The following NOL4 variants were observed in gnomAD, a reference collection of about 807,000 sequenced individuals.
NOL4 encodes nucleolar protein 4.
NOL4 carries 17 observed loss-of-function variants against 75.9 expected under a neutral mutation model. The observed-to-expected ratio is 0.22, with a 90% confidence interval of 0.15 to 0.34. The LOEUF (loss-of-function observed/expected upper bound fraction) is 0.34, where lower values mean the gene tolerates loss of function less well. NOL4 is among the 10% of genes least tolerant of loss of function. The pLI is 1.00. For synonymous variants in NOL4, 292 were observed against 289.9 expected, an observed-to-expected ratio of 1.01 and a Z score of -0.07; for missense variants, 614 against 793.5, an observed-to-expected ratio of 0.77 and a Z score of 2.72.
chr18:34,072,248 A>T (rs942052551), intron 5 of NOL4, among the ~76,000 whole-genome samples: 2 of 152,088 alleles, frequency 1.3e-5, no homozygotes, highest in African/African-American at 4.8e-5. Flanking sequence ...ACAAAAAAAG[A>T]TAAAATGACA....
intron 8 of NOL4, among the ~76,000 whole-genome samples, chr18:33,954,499 G>T (rs1375493642): frequency 6.6e-6 from 1 of 151,746 alleles, no homozygotes; most frequent in African/African-American, 2.4e-5. Context: ...GATTGTAGAA[G>T]AAGAAGAAGA....
chr18:34,056,898 T>A (rs2076855921), intron 5 of NOL4, among the ~76,000 whole-genome samples: 1 of 152,202 alleles, frequency 6.6e-6, no homozygotes, highest in South Asian at 2.1e-4. Flanking sequence ...CTTGCCAACA[T>A]CACTTTCTGT....
intron 9 of NOL4, among the ~76,000 whole-genome samples, chr18:33,939,969 CATTAGATAAATGCAA>C (rs1039970753): frequency 1.2e-4 from 18 of 152,066 alleles, no homozygotes; most frequent in Non-Finnish European, 2.9e-5. Context: ...CATCACTGAT[CATTAGATAAATGCAA>C]ATCAAAACCA....
intron 5 of NOL4, among the ~76,000 whole-genome samples, chr18:34,020,693 T>A (rs902815533): frequency 6.6e-6 from 1 of 152,130 alleles, no homozygotes; most frequent in Non-Finnish European, 1.5e-5. Flanking sequence ...GGGATGTGAG[T>A]CATGAAGTAC....
At chr18:34,029,491 C>T (rs2075524696) in intron 5 of NOL4, among the ~76,000 whole-genome samples, 1 of 152,162 alleles carries the variant, frequency 6.6e-6, no homozygotes, top group South Asian at 2.1e-4. Flanking sequence ...GGGGCATATC[C>T]TTGGCTCCTG....
At chr18:34,112,499 C>A (rs1023363966) in intron 2 of NOL4, among the ~76,000 whole-genome samples, 5 of 151,978 alleles carry the variant, frequency 3.3e-5, no homozygotes, top group African/African-American at 7.3e-5. Context: ...TGTCACTACA[C>A]ATACATAATG....
intron 6 of NOL4, among the ~76,000 whole-genome samples, chr18:34,005,632 C>T (rs1008541262): frequency 6.6e-6 from 1 of 152,100 alleles, no homozygotes; most frequent in Non-Finnish European, 1.5e-5. Context: ...GGAGAATGAT[C>T]TCCACCTTCT....
At chr18:33,993,497 A>T (rs1226345093) in intron 6 of NOL4, among the ~76,000 whole-genome samples, 1 of 151,936 alleles carries the variant, frequency 6.6e-6, no homozygotes, top group Non-Finnish European at 1.5e-5. Flanking sequence ...GGGGGTTAGG[A>T]GGTGGGAAAT....
At chr18:34,094,048 C>A (rs1042271180) in intron 4 of NOL4, among the ~76,000 whole-genome samples, 2 of 151,810 alleles carry the variant, frequency 1.3e-5, no homozygotes, top group Non-Finnish European at 2.9e-5. Context: ...CTCAAAAAAA[C>A]AAACAAACAA....
chr18:34,007,687 A>G (rs1184509247), intron 6 of NOL4, among the ~76,000 whole-genome samples: 1 of 152,020 alleles, frequency 6.6e-6, no homozygotes, highest in East Asian at 1.9e-4. Context: ...TTCATTTTAC[A>G]TCATCATATT....
chr18:34,153,845 G>A (rs2029872491), intron 1 of NOL4, among the ~76,000 whole-genome samples: 1 of 151,962 alleles, frequency 6.6e-6, no homozygotes, highest in Non-Finnish European at 1.5e-5. Context: ...TAGAACATGT[G>A]GTTGCCAAGG....
intron 5 of NOL4, among the ~76,000 whole-genome samples, chr18:34,048,824 A>C (rs573958815): frequency 6.6e-6 from 1 of 152,236 alleles, no homozygotes; most frequent in East Asian, 1.9e-4. Flanking sequence ...CTGGTTAAGA[A>C]CATGGCTGGA....
intron 5 of NOL4, among the ~76,000 whole-genome samples, chr18:34,063,129 G>C (rs1328716894): frequency 6.6e-6 from 1 of 152,026 alleles, no homozygotes; most frequent in African/African-American, 2.4e-5. Flanking sequence ...ATGGATGAAA[G>C]ATGAAAAACT....
intron 1 of NOL4, among the ~76,000 whole-genome samples, chr18:34,180,985 C>T (rs1488955177): frequency 6.6e-6 from 1 of 151,174 alleles, no homozygotes; most frequent in Non-Finnish European, 1.5e-5. Flanking sequence ...TTTATGATGG[C>T]AATACTCTAT....
chr18:34,143,535 A>G (rs2146019376), intron 1 of NOL4, among the ~76,000 whole-genome samples: 1 of 152,156 alleles, frequency 6.6e-6, no homozygotes, highest in Middle Eastern at 3.4e-3. Context: ...ATTTACTGTT[A>G]AATTATTTCT....
intron 9 of NOL4, among the ~76,000 whole-genome samples, chr18:33,931,831 T>C (rs1194015607): frequency 6.6e-6 from 1 of 152,118 alleles, no homozygotes; most frequent in South Asian, 2.1e-4. Context: ...ATAATCTTAG[T>C]TTGGTATAAA....
chr18:34,149,195 G>T (rs567494554), intron 1 of NOL4, among the ~76,000 whole-genome samples: 1 of 151,610 alleles, frequency 6.6e-6, no homozygotes, highest in East Asian at 1.9e-4. Context: ...ATAAAAATTA[G>T]GTTGAGACAT....
At chr18:34,063,596 C>T (rs79117954) in intron 5 of NOL4, among the ~76,000 whole-genome samples, 2 of 152,132 alleles carry the variant, frequency 1.3e-5, no homozygotes, top group Non-Finnish European at 2.9e-5. Flanking sequence ...TGTTATTGGA[C>T]ACAAGTCAGC....
intron 5 of NOL4, among the ~76,000 whole-genome samples, chr18:34,072,706 A>C (rs536419857): frequency 6.6e-6 from 1 of 152,312 alleles, no homozygotes; most frequent in African/African-American, 2.4e-5. Flanking sequence ...CCATACAGCA[A>C]GTTACAAAAA....
Sources: gnomAD v4.1 joint callset for allele counts (sites outside exome capture counted in the v4.1 genomes callset) on GRCh38, gnomAD v4.1.1 for gene constraint, MANE v1.5 for transcripts, NCBI Gene and HGNC (gene_info 2026-07-23, HGNC 2026-07-21) for gene names.